PTPRD: variants seen among roughly 807,000 people sequenced by gnomAD.
PTPRD encodes receptor-type tyrosine-protein phosphatase delta.
Under a neutral mutation model 214.5 loss-of-function variants are expected in PTPRD, and 34 were observed. That is an observed-to-expected ratio of 0.16 (90% CI 0.12 to 0.21). PTPRD has a LOEUF of 0.21. Ranked by LOEUF, PTPRD falls within the 10% of genes least tolerant of loss-of-function variation. The probability of loss-of-function intolerance (pLI) is 1.00; values close to 1 mark genes in which losing one functional copy is unlikely to be tolerated. For synonymous variants in PTPRD, 1,128 were observed against 845.7 expected (o/e 1.33, Z -5.79); for missense variants, 2,545 against 2,398.7 (o/e 1.06, Z -1.27).
chr9:8,507,228 A>T, intron 22 of PTPRD, 73 bp downstream of exon 22: 1 of 1,537,944 alleles, frequency 6.5e-7, no homozygotes, highest in Non-Finnish European at 8.8e-7. Context: ...AAGAATGTGG[A>T]TAAATACACA....
At chr9:10,423,178 C>T (rs1322694785) in intron 2 of PTPRD, among the ~76,000 whole-genome samples, 1 of 151,850 alleles carries the variant, frequency 6.6e-6, no homozygotes, top group Non-Finnish European at 1.5e-5. Context: ...AGCTGGAAAC[C>T]ATCATTCTGA....
intron 3 of PTPRD, among the ~76,000 whole-genome samples, chr9:10,135,429 G>A (rs565936471): frequency 3.9e-5 from 6 of 151,956 alleles, no homozygotes; most frequent in Non-Finnish European, 8.8e-5. Flanking sequence ...CATAGTCATC[G>A]GATTCGCCAA....
chr9:9,592,301 T>C (rs529558709), intron 7 of PTPRD, among the ~76,000 whole-genome samples: 2 of 152,142 alleles, frequency 1.3e-5, no homozygotes, highest in Non-Finnish European at 2.9e-5. Context: ...ATAAAATCTA[T>C]TGCGAAACAA....
intron 39 of PTPRD, among the ~76,000 whole-genome samples, chr9:8,361,460 C>T (rs2078457189): frequency 6.6e-6 from 1 of 152,124 alleles, no homozygotes; most frequent in African/African-American, 2.4e-5. Context: ...TAAAAGACTT[C>T]AGATGTAGAA....
chr9:10,224,998 T>A (rs1410405248), intron 3 of PTPRD, among the ~76,000 whole-genome samples: 3 of 152,070 alleles, frequency 2.0e-5, no homozygotes, highest in African/African-American at 7.2e-5. Context: ...AAGTAGGCTG[T>A]TAATAGTTAA....
chr9:9,764,318 C>A (rs1490264002), intron 6 of PTPRD, among the ~76,000 whole-genome samples: 1 of 152,058 alleles, frequency 6.6e-6, no homozygotes, highest in Non-Finnish European at 1.5e-5. Flanking sequence ...AAAATTAAAT[C>A]AAATGCATTC....
rs560591046 is a variant in PTPRD at position 9,689,217 on chromosome 9, A to G, written c.-287+45316T>C. On this transcript the variant is annotated intron_variant, in intron 7 of 45. Coordinates refer to ENST00000381196, the MANE Select transcript of PTPRD (RefSeq NM_002839.4). ...TTAGCTTTTCTGCTTTACTTTCCTC[A>G]TTTGTAAAATCAGTAAAATAATTCC... Among the ~76,000 whole-genome samples, 12 of 151,920 alleles carry G rather than the reference A, an allele frequency of 7.9e-5. No individual in the cohort carries two copies. In the South Asian group the frequency reaches 1.9e-3, roughly 24 times the overall value.
At chr9:9,912,713 T>C (rs1601873617) in intron 5 of PTPRD, among the ~76,000 whole-genome samples, 1 of 152,204 alleles carries the variant, frequency 6.6e-6, no homozygotes, top group South Asian at 2.1e-4. Flanking sequence ...ACTGCACTAA[T>C]AAAATGATGT....
chr9:9,971,488 AAAG>A (rs1331241778), intron 4 of PTPRD, among the ~76,000 whole-genome samples: 2 of 152,208 alleles, frequency 1.3e-5, no homozygotes, highest in Non-Finnish European at 2.9e-5. Context: ...AATTTTCCAG[AAAG>A]AAGTTTTTAT....
chr9:10,005,198 C>T (rs2096447607), intron 4 of PTPRD, among the ~76,000 whole-genome samples: 1 of 152,006 alleles, frequency 6.6e-6, no homozygotes, highest in Admixed American at 6.6e-5. Flanking sequence ...GCAGATAAGG[C>T]ACAAAGCTAA....
intron 34 of PTPRD, among the ~76,000 whole-genome samples, chr9:8,440,049 G>A (rs2095496189): frequency 6.9e-6 from 1 of 145,444 alleles, no homozygotes; most frequent in South Asian, 2.2e-4. Flanking sequence ...CTCAGCACTG[G>A]CTCTTAGTCC....
chr9:9,002,565 A>G (rs977504725), intron 11 of PTPRD, among the ~76,000 whole-genome samples: 2 of 152,126 alleles, frequency 1.3e-5, no homozygotes, highest in Admixed American at 6.6e-5. Flanking sequence ...ACCTATACAA[A>G]TAGAATTCTC....
At chr9:9,226,352 T>C (rs2099959463) in intron 9 of PTPRD, among the ~76,000 whole-genome samples, 1 of 151,952 alleles carries the variant, frequency 6.6e-6, no homozygotes, top group African/African-American at 2.4e-5. Flanking sequence ...ATTTTACTTT[T>C]ACTTACAACC....
intron 9 of PTPRD, among the ~76,000 whole-genome samples, chr9:9,309,969 G>C (rs775036519): frequency 6.6e-6 from 1 of 151,796 alleles, no homozygotes; most frequent in Non-Finnish European, 1.5e-5. Flanking sequence ...CCCTTACATA[G>C]GATTAAGTTT....
intron 11 of PTPRD, among the ~76,000 whole-genome samples, chr9:8,865,986 A>G (rs1462794631): frequency 2.0e-5 from 3 of 152,222 alleles, no homozygotes; most frequent in Non-Finnish European, 4.4e-5. Context: ...TCAGTGGACA[A>G]AAAATCCTTT....
At chr9:10,324,874 CA>C (rs2096616005) in intron 3 of PTPRD, among the ~76,000 whole-genome samples, 2 of 151,980 alleles carry the variant, frequency 1.3e-5, no homozygotes, top group Non-Finnish European at 2.9e-5. Flanking sequence ...ATTTAACAAT[CA>C]AATGTATAAG....
intron 3 of PTPRD, among the ~76,000 whole-genome samples, chr9:10,090,836 C>G (rs438111): frequency 0.35 from 51,617 of 145,996 alleles, 9,613 homozygotes; most frequent in East Asian, 0.53. Flanking sequence ...ATTAGTGTAT[C>G]AATCACCATG....
chr9:9,368,729 C>T (rs935067623), intron 9 of PTPRD, among the ~76,000 whole-genome samples: 1 of 151,704 alleles, frequency 6.6e-6, no homozygotes, highest in African/African-American at 2.4e-5. Flanking sequence ...TAGGGTATTA[C>T]AAACAAATGC....
chr9:9,984,581 G>C (rs183778855), intron 4 of PTPRD, among the ~76,000 whole-genome samples: 8 of 152,180 alleles, frequency 5.3e-5, no homozygotes, highest in African/African-American at 7.2e-5. Flanking sequence ...GGGCCCCGTG[G>C]CTACCTTCTG....
Sources: gnomAD v4.1 joint callset for allele counts (sites outside exome capture counted in the v4.1 genomes callset) on GRCh38, gnomAD v4.1.1 for gene constraint, MANE v1.5 for transcripts, NCBI Gene and HGNC (gene_info 2026-07-23, HGNC 2026-07-21) for gene names.